TBC1D9: variants seen among roughly 807,000 people sequenced by gnomAD.
TBC1D9 encodes TBC1 domain family member 9A.
TBC1D9 carries 63 observed loss-of-function variants against 132.0 expected under a neutral mutation model. The observed-to-expected ratio is 0.48, with a 90% CI of 0.39 to 0.59. The LOEUF is 0.59. TBC1D9 is among the 20% of genes least tolerant of loss of function. TBC1D9 has a pLI of 0.00. For missense variants in TBC1D9, 1,261 were observed against 1,592.7 expected (o/e 0.79, Z 3.54); for synonymous variants, 610 against 609.9 (o/e 1.00, Z 0.00).
chr4:140,622,620 G>A lies in TBC1D9; in HGVS notation c.3376C>T (p.Leu1126Phe). 1 of 1,613,226 alleles carries A rather than the reference G, an allele frequency of 6.2e-7. No homozygotes were observed. The highest frequency in any genetic ancestry group is 2.2e-5 in the East Asian group (1 of 44,864). The change falls in exon 21 of 21, where the codon CTT becomes TTT. Residue 1126 changes from leucine (L) to phenylalanine (F), a missense_variant. Physicochemically the swap from Leu to Phe is conservative, Grantham distance 22 (BLOSUM62 0). Transcript: ENST00000442267. ...SLAPDSEEHS[L>F]GGQMEDIKLE... ...TTGATGTCCTCCATTTGTCCTCCAA[G>A]GGAGTGTTCCTCGCTGTCGGGGGCC...
intron 1 of TBC1D9, among the ~76,000 whole-genome samples, chr4:140,736,341 G>A (rs1289580656): frequency 1.3e-5 from 2 of 152,054 alleles, no homozygotes; most frequent in Non-Finnish European, 2.9e-5. Context: ...AGGAGTTTGA[G>A]ACCAGCCTGG....
At chr4:140,642,917 G>A (rs1420348235) in intron 13 of TBC1D9, 5 of 594,804 alleles carry the variant, frequency 8.4e-6, no homozygotes, top group Non-Finnish European at 1.5e-5. Flanking sequence ...CGGAGTCCCG[G>A]CGCCGCTGCA....
intron 15 of TBC1D9, among the ~76,000 whole-genome samples, chr4:140,637,344 C>T (rs375640200): frequency 8.1e-5 from 12 of 149,028 alleles, no homozygotes; most frequent in South Asian, 2.1e-4. Flanking sequence ...AACGAGACTC[C>T]GTCTCAAAGA....
At chr4:140,624,823 G>A (rs774753660) in intron 18 of TBC1D9, among the ~76,000 whole-genome samples, 6 of 152,130 alleles carry the variant, frequency 3.9e-5, no homozygotes, top group Non-Finnish European at 7.4e-5. Flanking sequence ...AGGCCAAGGT[G>A]GGCAGATCAC....
intron 2 of TBC1D9, among the ~76,000 whole-genome samples, chr4:140,697,702 C>A (rs900159055): frequency 2.0e-5 from 3 of 152,206 alleles, no homozygotes; most frequent in Non-Finnish European, 4.4e-5. Flanking sequence ...GGAGTATTCA[C>A]AGGAAGATCT....
chr4:140,648,426 T>A (rs1354051586), intron 13 of TBC1D9, among the ~76,000 whole-genome samples: 1 of 150,356 alleles, frequency 6.7e-6, no homozygotes, highest in Non-Finnish European at 1.5e-5. Context: ...TACTCTAGTG[T>A]CCAAGACGGA....
At chr4:140,684,043 T>C (rs958645463) in intron 3 of TBC1D9, among the ~76,000 whole-genome samples, 1 of 151,984 alleles carries the variant, frequency 6.6e-6, no homozygotes, top group African/African-American at 2.4e-5. Context: ...TAGATACTGG[T>C]CAAGAAAAAA....
chr4:140,636,091 C>G (rs1736875532), intron 15 of TBC1D9, among the ~76,000 whole-genome samples: 1 of 152,194 alleles, frequency 6.6e-6, no homozygotes, highest in South Asian at 2.1e-4. Context: ...TCATGGTGCT[C>G]ACAACCATTA....
chr4:140,707,761 A>G (rs923306), intron 1 of TBC1D9, among the ~76,000 whole-genome samples: 52,068 of 151,928 alleles, frequency 0.34, 9,257 homozygotes, highest in East Asian at 0.56. Flanking sequence ...GCTTTGTACA[A>G]GTGTTTCTCA....
intron 1 of TBC1D9, among the ~76,000 whole-genome samples, chr4:140,749,887 A>C (rs895366942): frequency 2.0e-5 from 3 of 152,278 alleles, no homozygotes; most frequent in African/African-American, 7.2e-5. Flanking sequence ...TAAAATGCTC[A>C]ATTCACCAGG....
At chr4:140,736,539 C>CA (rs1424804636) in intron 1 of TBC1D9, among the ~76,000 whole-genome samples, 2 of 151,640 alleles carry the variant, frequency 1.3e-5, no homozygotes, top group Non-Finnish European at 2.9e-5. Context: ...GACTGTATCT[C>CA]AAAAAATAAA....
chr4:140,743,542 G>C (rs1311584546), intron 1 of TBC1D9, among the ~76,000 whole-genome samples: 1 of 152,186 alleles, frequency 6.6e-6, no homozygotes, highest in Non-Finnish European at 1.5e-5. Context: ...AAGTCAGTGA[G>C]GGAGGCAGAG....
At chr4:140,709,893 G>A (rs1231202889) in intron 1 of TBC1D9, among the ~76,000 whole-genome samples, 2 of 152,202 alleles carry the variant, frequency 1.3e-5, no homozygotes, top group East Asian at 3.8e-4. Flanking sequence ...ACGAGGTGGA[G>A]CTCAAATGCT....
At chr4:140,649,620 G>A (rs980489808) in intron 13 of TBC1D9, among the ~76,000 whole-genome samples, 6 of 152,168 alleles carry the variant, frequency 3.9e-5, no homozygotes, top group African/African-American at 1.4e-4. Context: ...AGGGAGCTTC[G>A]AAGGAGCAGC....
At chr4:140,755,851 C>CG in intron 1 of TBC1D9, 65 bp downstream of exon 1, 1 of 1,248,870 alleles carries the variant, frequency 8.0e-7, no homozygotes, top group South Asian at 1.6e-5. Context: ...GCCTGCAGCC[C>CG]AGGCCGCGGG....
chr4:140,755,586 T>G (rs1216815164), intron 1 of TBC1D9, among the ~76,000 whole-genome samples: 1 of 152,074 alleles, frequency 6.6e-6, no homozygotes, highest in African/African-American at 2.4e-5. Flanking sequence ...ACAATATTTT[T>G]AAGGGGGGGA....
At chr4:140,750,351 C>T (rs1738903557) in intron 1 of TBC1D9, among the ~76,000 whole-genome samples, 1 of 151,660 alleles carries the variant, frequency 6.6e-6, no homozygotes, top group African/African-American at 2.4e-5. Flanking sequence ...AAGAAATAAA[C>T]TGTAAATATT....
intron 5 of TBC1D9, among the ~76,000 whole-genome samples, chr4:140,678,666 T>C (rs147281150): frequency 9.2e-5 from 14 of 152,150 alleles, no homozygotes; most frequent in African/African-American, 3.4e-4. Context: ...TACCCACTCT[T>C]CCCCATCTGG....
At chr4:140,731,741 C>T (rs1483020005) in intron 1 of TBC1D9, among the ~76,000 whole-genome samples, 4 of 151,844 alleles carry the variant, frequency 2.6e-5, no homozygotes, top group Non-Finnish European at 5.9e-5. Context: ...CAAATCTGAT[C>T]GTCACAAAAA....
Sources: allele counts gnomAD v4.1 joint callset (sites outside exome capture counted in the v4.1 genomes callset), GRCh38; gene constraint gnomAD v4.1.1; transcripts MANE v1.5; gene names NCBI Gene and HGNC (gene_info 2026-07-23, HGNC 2026-07-21).